PHACTR3: variants seen among roughly 807,000 people sequenced by gnomAD.
PHACTR3 encodes phosphatase and actin regulator 3.
Under a neutral mutation model 66.8 loss-of-function variants are expected in PHACTR3, and 16 were observed. The observed-to-expected ratio is 0.24, with a 90% CI of 0.16 to 0.36. The LOEUF (loss-of-function observed/expected upper bound fraction) is 0.36. Among genes scored for constraint, PHACTR3 ranks in the 10% least tolerant of loss-of-function variants. The pLI is 1.00. For missense variants in PHACTR3, 647 were observed against 719.9 expected (o/e 0.90, Z 1.16); for synonymous variants, 323 against 292.1 (o/e 1.11, Z -1.08).
intron 1 of PHACTR3, among the ~76,000 whole-genome samples, chr20:59,593,826 AT>A (rs2033253455): frequency 6.6e-6 from 1 of 152,194 alleles, no homozygotes; most frequent in African/African-American, 2.4e-5. Flanking sequence ...ATGTGGATCA[AT>A]TCCTGAGCTC....
At chr20:59,688,582 T>G (rs2036985599) in intron 1 of PHACTR3, among the ~76,000 whole-genome samples, 1 of 152,196 alleles carries the variant, frequency 6.6e-6, no homozygotes, top group African/African-American at 2.4e-5. Flanking sequence ...CCTCCAATCC[T>G]TGCACAGAAC....
At chr20:59,719,906 TCTC>T (rs761633726) in intron 1 of PHACTR3, among the ~76,000 whole-genome samples, 2 of 152,168 alleles carry the variant, frequency 1.3e-5, no homozygotes, top group Non-Finnish European at 2.9e-5. Flanking sequence ...AGGGCTTGCG[TCTC>T]CTCATTCTGA....
At chr20:59,626,145 G>A (rs77210787) in intron 1 of PHACTR3, among the ~76,000 whole-genome samples, 4,131 of 152,254 alleles carry the variant, frequency 0.027, 78 homozygotes, top group Middle Eastern at 0.071. Flanking sequence ...ATTCATGGTC[G>A]TCAGCCATTC....
In PHACTR3 at chr20:59,804,948, A is replaced by G. The variant is rs553775041; in HGVS notation, c.1175-1093A>G. 2.6e-5 allele frequency among the ~76,000 whole-genome samples: 4 copies of G among 152,332 alleles called. No homozygotes were observed. In the East Asian group the frequency reaches 7.7e-4, roughly 29 times the overall value. On this transcript the variant is annotated intron_variant, in intron 7 of 12. Coordinates refer to ENST00000371015, the MANE Select transcript of PHACTR3 (RefSeq NM_080672.5). ...TATGGAAGTGATCATATTGGATAAC[A>G]ACTTGAGCCCCCAGGAATTAAATCC...
At chr20:59,828,626 T>A (rs1482108661) in intron 8 of PHACTR3, among the ~76,000 whole-genome samples, 1 of 152,028 alleles carries the variant, frequency 6.6e-6, no homozygotes, top group Admixed American at 6.6e-5. Flanking sequence ...GAAGGACATC[T>A]TTGCCGGACA....
At chr20:59,732,314 C>T (rs774705631) in intron 1 of PHACTR3, among the ~76,000 whole-genome samples, 4 of 152,180 alleles carry the variant, frequency 2.6e-5, no homozygotes, top group African/African-American at 4.8e-5. Flanking sequence ...TGAACGAGTG[C>T]TTTCGTGCTC....
At chr20:59,646,519 G>A (rs1052325081) in intron 1 of PHACTR3, among the ~76,000 whole-genome samples, 3 of 152,000 alleles carry the variant, frequency 2.0e-5, no homozygotes, top group East Asian at 1.9e-4. Context: ...TACACTGAAC[G>A]AAGTGAAAAT....
At position 59,695,427 on chromosome 20, in the gene PHACTR3, C is replaced by T. The variant is rs200925800; in HGVS notation, c.119-47680C>T. ...TACCTGCTTCCCCTTTGCCTTCCGC[C>T]GTGATTATAAGTTTCCTGAGGTCTC... On this transcript the variant is annotated intron_variant, in intron 1 of 12. Transcript: ENST00000371015. Among the ~76,000 whole-genome samples the T allele has an allele frequency of 6.6e-5, 10 of 152,248 alleles. No individual in the cohort carries two copies. The East Asian group carries it at 1.5e-3, about 24-fold the overall frequency.
chr20:59,808,329 C>T (rs1046959461), intron 8 of PHACTR3, among the ~76,000 whole-genome samples: 3 of 152,260 alleles, frequency 2.0e-5, no homozygotes, highest in Non-Finnish European at 2.9e-5. Context: ...GCCATTCTGG[C>T]AGGGTGGGCC....
chr20:59,691,464 T>G (rs895075211), intron 1 of PHACTR3, among the ~76,000 whole-genome samples: 2 of 152,194 alleles, frequency 1.3e-5, no homozygotes, highest in Non-Finnish European at 2.9e-5. Flanking sequence ...TTAGATTCTA[T>G]ACAATTTTGT....
intron 1 of PHACTR3, among the ~76,000 whole-genome samples, chr20:59,636,582 C>T (rs1421900457): frequency 6.6e-6 from 1 of 152,202 alleles, no homozygotes; most frequent in Non-Finnish European, 1.5e-5. Flanking sequence ...GCTCTGCTTA[C>T]TGGCTGTGAG....
chr20:59,635,194 C>CTTTCTTTCTTTCTTTCTT (rs33980731), intron 1 of PHACTR3, among the ~76,000 whole-genome samples: 6 of 54,974 alleles, frequency 1.1e-4, no homozygotes, highest in East Asian at 7.8e-4. Flanking sequence ...TTCTTTCTTT[C>CTTTCTTTCTTTCTTTCTT]TCTTTCTTTC....
At position 59,806,056 on chromosome 20, in the gene PHACTR3, A is replaced by G; in HGVS notation, c.1190A>G (p.Lys397Arg). The change falls in exon 8 of 13, where the codon AAA becomes AGA. Residue 397 changes from lysine (K) to arginine (R), a missense_variant. Lys to Arg is a conservative substitution (Grantham distance 26, BLOSUM62 2). Coordinates refer to ENST00000371015, the MANE Select transcript of PHACTR3 (RefSeq NM_080672.5). ...GGGCTTTTAGGAACACTGCCACGGA[A>G]ATGCAAGAAGGAGCTCCTGGCCGTG... Reference protein sequence around the residue: ...DSIISGTLPRKCKKELLAVKL... With the variant: ...DSIISGTLPRRCKKELLAVKL... The G allele has an allele frequency of 1.9e-6, 3 of 1,613,958 alleles. No individual in the cohort carries two copies. Among genetic ancestry groups the G allele is most frequent in the Non-Finnish European group, 2.5e-6 (3 of 1,179,924 alleles).
At chr20:59,582,803 G>C (rs1171248197) in intron 1 of PHACTR3, among the ~76,000 whole-genome samples, 1 of 152,142 alleles carries the variant, frequency 6.6e-6, no homozygotes, top group Non-Finnish European at 1.5e-5. Context: ...CCGTCGATCT[G>C]ATCTGGAACC....
intron 1 of PHACTR3, among the ~76,000 whole-genome samples, chr20:59,714,735 T>C (rs555345952): frequency 1.4e-4 from 21 of 152,234 alleles, no homozygotes; most frequent in Non-Finnish European, 2.2e-4. Context: ...GTAAGTTGGA[T>C]TGGAATTACA....
At chr20:59,624,071 A>C (rs2034361486) in intron 1 of PHACTR3, among the ~76,000 whole-genome samples, 1 of 151,812 alleles carries the variant, frequency 6.6e-6, no homozygotes, top group Non-Finnish European at 1.5e-5. Flanking sequence ...CTCGATTTGG[A>C]GGGTGGGGAC....
At chr20:59,663,510 A>G (rs2035885558) in intron 1 of PHACTR3, among the ~76,000 whole-genome samples, 1 of 152,148 alleles carries the variant, frequency 6.6e-6, no homozygotes, top group Non-Finnish European at 1.5e-5. Context: ...AACAAATGAG[A>G]CTGAAAATGT....
intron 7 of PHACTR3, among the ~76,000 whole-genome samples, chr20:59,780,585 C>G (rs1050800004): frequency 6.6e-6 from 1 of 152,126 alleles, no homozygotes; most frequent in Non-Finnish European, 1.5e-5. Context: ...GACCCTACCC[C>G]CCGAATACCA....
intron 1 of PHACTR3, among the ~76,000 whole-genome samples, chr20:59,714,148 G>A (rs2038008206): frequency 6.6e-6 from 1 of 152,150 alleles, no homozygotes; most frequent in African/African-American, 2.4e-5. Flanking sequence ...TTTGGTTGAA[G>A]TTCCTCAATG....
Sources: allele counts gnomAD v4.1 joint callset (sites outside exome capture counted in the v4.1 genomes callset), GRCh38; gene constraint gnomAD v4.1.1; transcripts MANE v1.5; gene names NCBI Gene and HGNC (gene_info 2026-07-23, HGNC 2026-07-21).